Variants in ZNF34 observed in about 807,000 individuals in gnomAD.
ZNF34 encodes zinc finger protein 34.
Under a neutral mutation model 14.4 loss-of-function variants are expected in ZNF34, and 8 were observed. That is an observed-to-expected ratio of 0.55 (90% confidence interval 0.33 to 1.00). The LOEUF (loss-of-function observed/expected upper bound fraction) is 1.00. Ranked by LOEUF, ZNF34 falls within the 50% of genes least tolerant of loss-of-function variation. ZNF34 has a pLI of 0.03. For missense variants in ZNF34, 538 were observed against 674.2 expected (o/e 0.80, Z 2.24); for synonymous variants, 235 against 247.9 (o/e 0.95, Z 0.49).
intron 2 of ZNF34, among the ~76,000 whole-genome samples, chr8:144,778,996 A>T (rs1459348605): frequency 6.6e-6 from 1 of 151,862 alleles, no homozygotes; most frequent in African/African-American, 2.4e-5. Flanking sequence ...CCTTTGGAAC[A>T]CCAAGCTCTG....
Position 144,778,059 on chromosome 8 carries a change from A to G in ZNF34, c.139T>C (p.Tyr47His), listed in dbSNP as rs761075895. The G allele has an allele frequency of 8.1e-6, 13 of 1,614,030 alleles. No homozygotes were observed. The highest frequency in any genetic ancestry group is 1.1e-5 in the Non-Finnish European group (13 of 1,179,956). Reference protein sequence around the residue: ...GLYRDVMLETYGNLVSLGVGP... With the variant: ...GLYRDVMLETHGNLVSLGVGP... ...TTACCCAGTGAGACTAGGTTCCCGTAGGTCTCCAGCATCACGTCCCTGTAG... is the reference window on the plus strand; with the variant it reads ...TTACCCAGTGAGACTAGGTTCCCGTGGGTCTCCAGCATCACGTCCCTGTAG... Residue 47 changes from tyrosine (Y) to histidine (H), a missense_variant, in exon 4 of 6, where the codon TAC becomes CAC. By Grantham distance (83) the Tyr-to-His change is moderately conservative. Coordinates refer to ENST00000429371, the MANE Select transcript of ZNF34 (RefSeq NM_001286769.2).
rs749277788 is a variant in ZNF34, at chr8:144,785,106, CAAAAAAAA to C, written c.-108+2165_-108+2172del. ...CACTCCAGCCTTAGCCAGACCCTGC[CAAAAAAAA>C]AAAAAAAAAAAAAAAGAAAAAGGAT... is the stretch of plus-strand genomic sequence containing the variant. On this transcript the variant is annotated intron_variant, in intron 1 of 5. Coordinates refer to ENST00000429371, the MANE Select transcript of ZNF34 (RefSeq NM_001286769.2). Among the ~76,000 whole-genome samples the C allele has an allele frequency of 4.0e-4, 20 of 50,074 alleles. 1 individual carries two copies. The highest frequency in any genetic ancestry group is 1.3e-3 in the African/African-American group (17 of 13,122). The allele number at this position is 50,074 out of a possible 152,430, so 32.9% of individuals were successfully genotyped here. A position where few individuals can be genotyped will look rare whatever the true frequency, so the allele number is the denominator to read the frequency against.
intron 1 of ZNF34, among the ~76,000 whole-genome samples, chr8:144,781,895 C>T (rs1194706168): frequency 1.3e-5 from 2 of 152,144 alleles, no homozygotes; most frequent in South Asian, 2.1e-4. Flanking sequence ...AAGTATTCAG[C>T]AAGAAATCAA....
At position 144,772,258 on chromosome 8, in the gene ZNF34, T is replaced by C. The variant is rs1490395123; in HGVS notation, c.*1008A>G. ...TCCACACATATTTATGTTCCTAGAA[T>C]AGGCAAATTCAAAGAGACAGAAAAT... On this transcript the variant is annotated 3_prime_UTR_variant, in exon 6 of 6. Coordinates refer to ENST00000429371, the MANE Select transcript of ZNF34 (RefSeq NM_001286769.2). Among the ~76,000 whole-genome samples, 1 of 152,052 alleles carries C rather than the reference T, an allele frequency of 6.6e-6. No individual in the cohort carries two copies. The highest frequency in any genetic ancestry group is 2.4e-5 in the African/African-American group (1 of 41,382).
chr8:144,778,493 GA>G lies in ZNF34; in HGVS notation c.-23del. 1 of 1,589,494 alleles carries G rather than the reference GA, an allele frequency of 6.3e-7. No individual in the cohort carries two copies. The highest frequency in any genetic ancestry group is 8.6e-7 in the Non-Finnish European group (1 of 1,168,344). ...CCATTGCCTGAGGGTTGGGCTTTCT[GA>G]GGGCAGTGAGCAGGAGCTGGTCACT... is the stretch of plus-strand genomic sequence containing the variant. On this transcript the variant is annotated 5_prime_UTR_variant, in exon 3 of 6. Coordinates refer to ENST00000429371, the MANE Select transcript of ZNF34 (RefSeq NM_001286769.2).
Position 144,772,580 on chromosome 8 carries a change from C to G in ZNF34, c.*686G>C, listed in dbSNP as rs1825238821. On this transcript the variant is annotated 3_prime_UTR_variant, in exon 6 of 6. Transcript: ENST00000429371. The stretch of plus-strand genomic sequence containing the variant: ...TTTGAGACAGCGTCTCGCTCTGTCA[C>G]CCAGGCTGGAGTACAGTGGCACAGT... 6.6e-6 allele frequency among the ~76,000 whole-genome samples: 1 copy of G among 152,266 alleles called. No homozygotes were observed. Among genetic ancestry groups the G allele is most frequent in the African/African-American group, 2.4e-5 (1 of 41,476 alleles).
rs149642481 is a variant in ZNF34, at chr8:144,779,754, C to T, written c.-55+474G>A. Among the ~76,000 whole-genome samples, 433 of 152,256 alleles carry T rather than the reference C, an allele frequency of 2.8e-3. 2 individuals carry two copies. Among genetic ancestry groups the T allele is most frequent in the Non-Finnish European group, 4.7e-3 (318 of 68,022 alleles). On this transcript the variant is annotated intron_variant, in intron 2 of 5. Coordinates refer to ENST00000429371, the MANE Select transcript of ZNF34 (RefSeq NM_001286769.2). This position sits in a 1 kb window ranked among gnomAD's most constrained non-coding sequence, Gnocchi z 4.1. Reference sequence around the variant, plus strand: ...GCCCAGCCTCCAGTCACCTCTACTGCCTGCTGCCCTCGGGCCGTCTATCCC... The same window carrying T: ...GCCCAGCCTCCAGTCACCTCTACTGTCTGCTGCCCTCGGGCCGTCTATCCC...
At chr8:144,778,213 G>T in intron 3 of ZNF34, 49 bp from the exon 4 acceptor site, 1 of 1,579,674 alleles carries the variant, frequency 6.3e-7, no homozygotes, top group South Asian at 1.2e-5. Flanking sequence ...AGAGTGGGCT[G>T]GTAGGGGCGG....
At chr8:144,786,203 GTCTCGA>G (rs776982636) in intron 1 of ZNF34, among the ~76,000 whole-genome samples, 10 of 151,646 alleles carry the variant, frequency 6.6e-5, no homozygotes, top group Non-Finnish European at 1.5e-4. Context: ...AGCCAGGATG[GTCTCGA>G]TCTCCAGACC....
rs956583011 is a variant in ZNF34 at position 144,772,929 on chromosome 8, G to C, written c.*337C>G. 2.6e-5 allele frequency among the ~76,000 whole-genome samples: 4 copies of C among 152,198 alleles called. No individual in the cohort carries two copies. The highest frequency in any genetic ancestry group is 9.7e-5 in the African/African-American group (4 of 41,446). On this transcript the variant is annotated 3_prime_UTR_variant, in exon 6 of 6. Transcript: ENST00000429371. ...TTCTGATATTGAGGAAATAGCAAAAGTGAAGATCCTAGGTGCTGCAATGAC... is the reference window on the plus strand; with the variant it reads ...TTCTGATATTGAGGAAATAGCAAAACTGAAGATCCTAGGTGCTGCAATGAC...
intron 1 of ZNF34, among the ~76,000 whole-genome samples, chr8:144,782,425 G>A (rs141229509): frequency 1.0e-3 from 156 of 152,052 alleles, no homozygotes; most frequent in African/African-American, 3.6e-3. Context: ...GGGAGGTGGA[G>A]GTTGCAGTGA....
At chr8:144,787,202 G>A (rs1826299653) in intron 1 of ZNF34, 77 bp downstream of exon 1, 1 of 152,464 alleles carries the variant, frequency 6.6e-6, no homozygotes, top group African/African-American at 2.4e-5. Flanking sequence ...ACCGGGCACA[G>A]GGGCAACGCG....
At chr8:144,783,603 A>G (rs1340760872) in intron 1 of ZNF34, among the ~76,000 whole-genome samples, 1 of 152,232 alleles carries the variant, frequency 6.6e-6, no homozygotes. Flanking sequence ...GACCATTCAC[A>G]ATAGCTACAA....
In ZNF34 at chr8:144,779,559, C is replaced by A. The variant is rs1370738692; in HGVS notation, c.-55+669G>T. Among the ~76,000 whole-genome samples the A allele has an allele frequency of 6.6e-6, 1 of 152,166 alleles. No homozygotes were observed. Among genetic ancestry groups the A allele is most frequent in the Non-Finnish European group, 1.5e-5 (1 of 68,028 alleles). On this transcript the variant is annotated intron_variant, in intron 2 of 5. Transcript: ENST00000429371. The surrounding 1 kb of genome is among the most constrained non-coding windows in gnomAD (Gnocchi z 4.1). ...CCTTTGACTCCGCTGGACTTCATAG[C>A]CCCCATGGCCTGGTGTTGGGTCTGA...
chr8:144,785,131 A>G (rs1586743260), intron 1 of ZNF34, among the ~76,000 whole-genome samples: 1 of 150,760 alleles, frequency 6.6e-6, no homozygotes, highest in African/African-American at 2.4e-5. Context: ...AAAAAAAAAG[A>G]AAAAGGATTC....
intron 1 of ZNF34, among the ~76,000 whole-genome samples, chr8:144,785,031 C>T (rs1295880133): frequency 7.3e-6 from 1 of 136,940 alleles, no homozygotes; most frequent in East Asian, 2.2e-4. Flanking sequence ...GTAGAAGAAT[C>T]GTTTGAGAGT....
In ZNF34 at chr8:144,777,500, G is replaced by C; in HGVS notation, c.238C>G (p.Gln80Glu). Reference protein sequence around the residue: ...RGDEPWVLDVQGTSGKEHLRV... With the variant: ...RGDEPWVLDVEGTSGKEHLRV... ...AGGTGCTCTTTCCCAGAGGTGCCCT[G>C]AACATCCAGGACCCAGGGCTCATCC... is the stretch of plus-strand genomic sequence containing the variant. Residue 80 changes from glutamine (Q) to glutamate (E), a missense_variant, in exon 5 of 6, where the codon CAG becomes GAG. Physicochemically the swap from Gln to Glu is conservative, Grantham distance 29. Around this residue, in one of 3 missense-constraint regions of ZNF34, gnomAD observed 431 missense variants for 525.7 expected, o/e 0.82. Coordinates refer to ENST00000429371, the MANE Select transcript of ZNF34 (RefSeq NM_001286769.2). This position sits in a 1 kb window ranked among gnomAD's most constrained non-coding sequence, Gnocchi z 4.8. 6.4e-7 allele frequency: 1 copy of C among 1,553,370 alleles called. No individual in the cohort carries two copies. Among genetic ancestry groups the C allele is most frequent in the Admixed American group, 2.0e-5 (1 of 51,192 alleles).
intron 3 of ZNF34, 54 bp downstream of exon 3, chr8:144,778,385 C>G: frequency 6.8e-7 from 1 of 1,462,894 alleles, no homozygotes; most frequent in East Asian, 2.5e-5. Context: ...GCAGTGTTTG[C>G]CAAGGAAAGC....
Position 144,773,775 on chromosome 8 carries a change from C to T in ZNF34, c.1111G>A (p.Glu371Lys). The change falls in exon 6 of 6, where the codon GAG (glutamate) becomes AAG (lysine). Residue 371 changes from glutamate to lysine, a missense_variant. Glu to Lys is a moderately conservative substitution (Grantham distance 56). This residue lies in a region of ZNF34 where 431 missense variants were observed against 525.7 expected (regional missense o/e 0.82). Coordinates refer to ENST00000429371, the MANE Select transcript of ZNF34 (RefSeq NM_001286769.2). The surrounding 1 kb of genome is among the most constrained non-coding windows in gnomAD (Gnocchi z 5.4). ...AAGCCTTTGCCACATTCCTTGCACT[C>T]AAATGGCTTCTCTCCGGTGTGAGTC... The part of the protein sequence containing the change: ...RRTHTGEKPF[E>K]CKECGKGFTQ... 6.2e-7 allele frequency: 1 copy of T among 1,613,994 alleles called. No individual in the cohort carries two copies. The highest frequency in any genetic ancestry group is 8.5e-7 in the Non-Finnish European group (1 of 1,179,936).
Sources: gnomAD v4.1 joint callset for allele counts (sites outside exome capture counted in the v4.1 genomes callset) on GRCh38, gnomAD v4.1.1 for gene constraint, gnomAD v4.1.1 regional missense constraint, Gnocchi (gnomAD v3.1) non-coding constraint, MANE v1.5 for transcripts, NCBI Gene and HGNC (gene_info 2026-07-23, HGNC 2026-07-21) for gene names.